Variants in TMPRSS11D observed in about 807,000 individuals in gnomAD.
The protein encoded by TMPRSS11D is transmembrane serine protease 11D.
A neutral mutation model predicts 44.4 loss-of-function variants in TMPRSS11D; 32 were observed. The observed-to-expected ratio is 0.72, with a 90% CI of 0.54 to 0.97. TMPRSS11D has a LOEUF of 0.97. Ranked by LOEUF, TMPRSS11D falls within the 50% of genes least tolerant of loss-of-function variation. TMPRSS11D has a pLI of 0.00. For missense variants in TMPRSS11D, 446 were observed against 502.6 expected (o/e 0.89, Z 1.08); for synonymous variants, 179 against 177.9 (o/e 1.01, Z -0.05).
At chr4:67,874,327 C>T (rs982457061) in intron 1 of TMPRSS11D, among the ~76,000 whole-genome samples, 1 of 151,910 alleles carries the variant, frequency 6.6e-6, no homozygotes, top group Admixed American at 6.6e-5. Flanking sequence ...AGGACTAAAT[C>T]AGTGAGGGAT....
chr4:67,848,092 T>A (rs565740434), intron 3 of TMPRSS11D, among the ~76,000 whole-genome samples: 1 of 152,338 alleles, frequency 6.6e-6, no homozygotes, highest in South Asian at 2.1e-4. Flanking sequence ...TAATTTTAAA[T>A]TAATATTGCT....
At chr4:67,878,080 T>C (rs1352610993) in intron 1 of TMPRSS11D, among the ~76,000 whole-genome samples, 4 of 152,232 alleles carry the variant, frequency 2.6e-5, no homozygotes, top group Non-Finnish European at 5.9e-5. Flanking sequence ...TGCTATGTCT[T>C]TAACAATTTT....
At chr4:67,857,355 T>TGGAATACTA (rs1281003608) in intron 2 of TMPRSS11D, among the ~76,000 whole-genome samples, 2 of 142,256 alleles carry the variant, frequency 1.4e-5, no homozygotes, top group Non-Finnish European at 3.0e-5. Context: ...ACATACACAA[T>TGGAATACTA]GGAATACTAT....
At chr4:67,879,698 C>A (rs1252837383) in intron 1 of TMPRSS11D, among the ~76,000 whole-genome samples, 1 of 151,840 alleles carries the variant, frequency 6.6e-6, no homozygotes, top group Admixed American at 6.6e-5. Flanking sequence ...CAATTTGGAG[C>A]AAGACAAGAG....
intron 5 of TMPRSS11D, 43 bp from the exon 6 acceptor site, chr4:67,835,164 G>A: frequency 6.5e-7 from 1 of 1,531,722 alleles, no homozygotes; most frequent in Non-Finnish European, 9.0e-7. Flanking sequence ...AATAAAGGCT[G>A]ATATCATTTC....
chr4:67,872,012 G>A (rs1376175291), intron 1 of TMPRSS11D, among the ~76,000 whole-genome samples: 1 of 152,094 alleles, frequency 6.6e-6, no homozygotes, highest in Non-Finnish European at 1.5e-5. Context: ...AGAGAGCCCT[G>A]ACAGGTTAGT....
intron 1 of TMPRSS11D, among the ~76,000 whole-genome samples, chr4:67,880,370 T>G (rs1455884526): frequency 1.3e-5 from 2 of 152,148 alleles, no homozygotes; most frequent in Non-Finnish European, 2.9e-5. Context: ...TTAGAATAGT[T>G]TTGCTTTTAA....
At chr4:67,849,108 GTGGCTGCTGA>G (rs1047295805) in intron 3 of TMPRSS11D, among the ~76,000 whole-genome samples, 11 of 152,178 alleles carry the variant, frequency 7.2e-5, no homozygotes, top group African/African-American at 2.4e-4. Flanking sequence ...TAAGAATACA[GTGGCTGCTGA>G]TGGATAGGAT....
chr4:67,838,370 C>CCACCGAG, intron 4 of TMPRSS11D, 41 bp from the exon 5 acceptor site: 1 of 1,466,492 alleles, frequency 6.8e-7, no homozygotes, highest in South Asian at 1.5e-5. Context: ...AATAATATGA[C>CCACCGAG]AATTTTTCAC....
intron 5 of TMPRSS11D, 32 bp from the exon 6 acceptor site, chr4:67,835,153 C>A: frequency 1.9e-6 from 3 of 1,573,428 alleles, no homozygotes; most frequent in Non-Finnish European, 1.7e-6. Flanking sequence ...AAGATAAATA[C>A]AATAAAGGCT....
At chr4:67,845,534 G>A (rs1466415580) in intron 3 of TMPRSS11D, among the ~76,000 whole-genome samples, 2 of 152,154 alleles carry the variant, frequency 1.3e-5, no homozygotes, top group Admixed American at 1.3e-4. Context: ...TCATAGAGAC[G>A]ATGTATCTAC....
chr4:67,846,647 A>G (rs115850994), intron 3 of TMPRSS11D, among the ~76,000 whole-genome samples: 55 of 152,274 alleles, frequency 3.6e-4, no homozygotes, highest in African/African-American at 1.3e-3. Context: ...CATGATGTCA[A>G]TTGGTTATTC....
chr4:67,868,750 TAAAG>T (rs930857219), intron 1 of TMPRSS11D, among the ~76,000 whole-genome samples: 1 of 152,104 alleles, frequency 6.6e-6, no homozygotes, highest in African/African-American at 2.4e-5. Context: ...AATGAGAAGT[TAAAG>T]AAAGCAGCAG....
At position 67,822,308 on chromosome 4, in the gene TMPRSS11D, G is replaced by C; in HGVS notation, c.*29C>G. 6.2e-7 allele frequency: 1 copy of C among 1,610,198 alleles called. No individual in the cohort carries two copies. Among genetic ancestry groups the C allele is most frequent in the Non-Finnish European group, 8.5e-7 (1 of 1,176,906 alleles). ...TTTAAGACAGGCACACCTGCATACAGACTTTGCAACAGGGATGCACTTGTT... is the reference window on the plus strand; with the variant it reads ...TTTAAGACAGGCACACCTGCATACACACTTTGCAACAGGGATGCACTTGTT... On this transcript the variant is annotated 3_prime_UTR_variant, in exon 10 of 10. Coordinates refer to ENST00000283916, the MANE Select transcript of TMPRSS11D (RefSeq NM_004262.3).
chr4:67,832,491 C>G (rs1717970723), intron 7 of TMPRSS11D, among the ~76,000 whole-genome samples: 1 of 151,892 alleles, frequency 6.6e-6, no homozygotes, highest in South Asian at 2.1e-4. Flanking sequence ...GGTAGCATAT[C>G]ACCCTAGTGT....
At chr4:67,842,469 A>C in intron 4 of TMPRSS11D, 89 bp downstream of exon 4, 3 of 1,146,966 alleles carry the variant, frequency 2.6e-6, no homozygotes, top group Middle Eastern at 2.8e-4. Flanking sequence ...ACTTATCTGA[A>C]CATGTCATTT....
intron 2 of TMPRSS11D, among the ~76,000 whole-genome samples, chr4:67,855,172 T>C (rs1718604675): frequency 6.6e-6 from 1 of 151,352 alleles, no homozygotes. Flanking sequence ...GGAGAATTGC[T>C]TGAACCCGGG....
chr4:67,845,934 A>C (rs1242593391), intron 3 of TMPRSS11D, among the ~76,000 whole-genome samples: 1 of 152,172 alleles, frequency 6.6e-6, no homozygotes, highest in East Asian at 1.9e-4. Flanking sequence ...CATATTTTTC[A>C]TGGCTGCAAT....
chr4:67,875,611 G>C (rs1052372845), intron 1 of TMPRSS11D, among the ~76,000 whole-genome samples: 2 of 152,252 alleles, frequency 1.3e-5, no homozygotes, highest in Non-Finnish European at 2.9e-5. Flanking sequence ...GCGCAGCTGA[G>C]AGCACAGACC....
Sources: gnomAD v4.1 joint callset for allele counts (sites outside exome capture counted in the v4.1 genomes callset) on GRCh38, gnomAD v4.1.1 for gene constraint, MANE v1.5 for transcripts, NCBI Gene and HGNC (gene_info 2026-07-23, HGNC 2026-07-21) for gene names.